The following PAK6 variants were observed in gnomAD, a reference collection of about 807,000 sequenced individuals.
PAK6 encodes the protein p21 (RAC1) activated kinase 6.
In PAK6, 33 loss-of-function variants were observed where a neutral mutation model predicts 60.8. That is an observed-to-expected ratio of 0.54 (90% CI 0.41 to 0.73). PAK6 has a LOEUF of 0.73. PAK6 is among the 30% of genes least tolerant of loss of function. The probability of loss-of-function intolerance (pLI) is 0.00; values close to 1 mark genes in which losing one functional copy is unlikely to be tolerated. For synonymous variants in PAK6, 404 were observed against 378.5 expected (o/e 1.07, Z -0.78); for missense variants, 845 against 904.1 (o/e 0.93, Z 0.84).
chr15:40,273,713 C>T (rs371770070), intron 9 of PAK6, 37 bp downstream of exon 9: 3 of 1,602,912 alleles, frequency 1.9e-6, no homozygotes, highest in Non-Finnish European at 2.6e-6. Context: ...CTCCCAAAAG[C>T]AACTTGGCAA....
At chr15:40,241,065 C>T (rs2038315725) in intron 2 of PAK6, among the ~76,000 whole-genome samples, 1 of 152,202 alleles carries the variant, frequency 6.6e-6, no homozygotes, top group African/African-American at 2.4e-5. Context: ...CTCCAAGTCA[C>T]ACCCTTTGGC....
Position 40,264,767 on chromosome 15 carries a change from C to T in PAK6, c.-5-14C>T. 1.2e-6 allele frequency: 2 copies of T among 1,612,620 alleles called. No homozygotes were observed. Among genetic ancestry groups the T allele is most frequent in the Non-Finnish European group, 1.7e-6 (2 of 1,179,212 alleles). ...TTTCCCGGGAGGGAGCTCAACCTTA[C>T]TCTGCACTTACAGGCACCATGTTCC... On this transcript the variant is annotated splice_polypyrimidine_tract_variant and intron_variant, in intron 3 of 10. Transcript: ENST00000560346.
intron 2 of PAK6, among the ~76,000 whole-genome samples, chr15:40,241,689 C>T (rs1189657224): frequency 1.3e-5 from 2 of 152,162 alleles, no homozygotes; most frequent in Non-Finnish European, 2.9e-5. Context: ...CACGGCCTCT[C>T]CAGTGCCCCG....
intron 2 of PAK6, chr15:40,252,757 C>G (rs1045816235): frequency 1.5e-6 from 2 of 1,301,660 alleles, no homozygotes; most frequent in Non-Finnish European, 1.0e-6. Flanking sequence ...GCGCAGCCCC[C>G]TTCCTGGGTG....
exon 11 of PAK6, chr15:40,276,391 A>C: frequency 5.6e-6 from 2 of 356,410 alleles, no homozygotes; most frequent in Non-Finnish European, 5.1e-6. Flanking sequence ...TCTGCAGCCA[A>C]CACAGTAGAA....
exon 11 of PAK6, chr15:40,276,328 T>G: frequency 1.8e-6 from 1 of 545,122 alleles, no homozygotes; most frequent in Non-Finnish European, 3.3e-6. Context: ...GATGACCCCT[T>G]GATATTTGCA....
At chr15:40,262,923 A>T (rs1263175804) in intron 3 of PAK6, among the ~76,000 whole-genome samples, 1 of 152,172 alleles carries the variant, frequency 6.6e-6, no homozygotes, top group Non-Finnish European at 1.5e-5. Context: ...TCTGCAACTC[A>T]CACAGGTTGT....
exon 3 of PAK6, chr15:40,253,250 G>A (rs551860039): frequency 4.4e-6 from 2 of 456,040 alleles, no homozygotes; most frequent in South Asian, 1.5e-5. Flanking sequence ...GGCCCAGTGC[G>A]GGTGAGGAGT....
At chr15:40,264,811 G>T (rs61733786) in exon 4 of PAK6, 2 of 1,613,900 alleles carry the variant, frequency 1.2e-6, no homozygotes, top group African/African-American at 1.3e-5. Context: ...AAGAAGAAAC[G>T]CCCTGAGATC....
rs557441541 is a variant in PAK6 at position 40,261,109 on chromosome 15, C to A, written c.-5-3672C>A. On this transcript the variant is annotated intron_variant, in intron 3 of 10. Coordinates refer to ENST00000560346, the Ensembl canonical transcript of PAK6. ...TTCACCGTGTTAGCCAGGATGATCT[C>A]TATCTCCTGACCTCGTGATTCGCCC... is the stretch of plus-strand genomic sequence containing the variant. 3.9e-5 allele frequency among the ~76,000 whole-genome samples: 6 copies of A among 151,936 alleles called. No individual in the cohort carries two copies. The East Asian group carries it at 1.2e-3, about 30-fold the overall frequency.
chr15:40,250,875 C>T (rs1178809087), intron 2 of PAK6: 1 of 152,470 alleles, frequency 6.6e-6, no homozygotes, highest in East Asian at 1.9e-4. Flanking sequence ...ATTTCAAATC[C>T]TCAGCAACCA....
Position 40,274,243 on chromosome 15 carries a change from C to T in PAK6, c.1845C>T (p.Asp615=), listed in dbSNP as rs551636912. 2.8e-5 allele frequency: 45 copies of T among 1,612,130 alleles called. No homozygotes were observed. In the South Asian group the frequency reaches 4.8e-4, roughly 17 times the overall value. The change falls in exon 10 of 11, where the codon GAC becomes GAT. Residue 615 remains aspartate, a synonymous_variant. Coordinates refer to ENST00000560346, the Ensembl canonical transcript of PAK6. ...TGCAAGCCATGAAGAGGCTCCGGGA[C>T]AGCCCCCCACCCAAGCTGAAAAACT...
At chr15:40,262,359 C>T (rs1377337100) in intron 3 of PAK6, among the ~76,000 whole-genome samples, 1 of 152,102 alleles carries the variant, frequency 6.6e-6, no homozygotes, top group Non-Finnish European at 1.5e-5. Flanking sequence ...CAAAAATTAG[C>T]CGGGTATGTT....
chr15:40,255,665 G>A (rs895083487), intron 3 of PAK6, among the ~76,000 whole-genome samples: 2 of 152,190 alleles, frequency 1.3e-5, no homozygotes, highest in Non-Finnish European at 1.5e-5. Flanking sequence ...CTCAAGTCAC[G>A]TGAAGAGGAG....
At chr15:40,252,777 C>G (rs1275975861) in intron 2 of PAK6, 4 of 1,300,780 alleles carry the variant, frequency 3.1e-6, no homozygotes, top group Non-Finnish European at 3.0e-6. Context: ...GCCCATGCCC[C>G]GAAGTTCGGG....
exon 4 of PAK6, chr15:40,264,897 C>G (rs372639063): frequency 6.2e-7 from 1 of 1,613,964 alleles, no homozygotes; most frequent in East Asian, 2.2e-5. Flanking sequence ...GGGCCTCCCC[C>G]CACAATGGCA....
intron 5 of PAK6, among the ~76,000 whole-genome samples, chr15:40,270,802 T>C (rs2039279838): frequency 6.6e-6 from 1 of 152,244 alleles, no homozygotes; most frequent in African/African-American, 2.4e-5. Context: ...GGCAGAAGTC[T>C]GCCCCAGCAT....
intron 5 of PAK6, among the ~76,000 whole-genome samples, chr15:40,270,683 A>C (rs2039276540): frequency 6.6e-6 from 1 of 152,230 alleles, no homozygotes; most frequent in Admixed American, 6.5e-5. Context: ...TTTACTGTCC[A>C]AATGTACTCA....
chr15:40,252,386 G>T lies in PAK6; in HGVS notation c.-117-792G>T, dbSNP rs566276564. The T allele has an allele frequency of 1.2e-5, 16 of 1,328,680 alleles. No individual in the cohort carries two copies. In the South Asian group the frequency reaches 1.8e-4, roughly 15 times the overall value. The allele number at this position is 1,328,680 out of a possible 1,614,324, so 82.3% of individuals were successfully genotyped here. A position where few individuals can be genotyped will look rare whatever the true frequency, so the allele number is the denominator to read the frequency against. On this transcript the variant is annotated intron_variant, in intron 2 of 10. Coordinates refer to ENST00000560346, the Ensembl canonical transcript of PAK6. The stretch of plus-strand genomic sequence containing the variant: ...GGCCAGGCCAGGGCCCGGAGGCGAA[G>T]GGCGGGCGGGAACTGGGGCCAAGCA...
Sources: gnomAD v4.1 joint callset for allele counts (sites outside exome capture counted in the v4.1 genomes callset) on GRCh38, gnomAD v4.1.1 for gene constraint, MANE v1.5 for transcripts, NCBI Gene and HGNC (gene_info 2026-07-23, HGNC 2026-07-21) for gene names.